The following PIWIL1 variants were observed in gnomAD, a reference collection of about 807,000 sequenced individuals.
PIWIL1 encodes the protein piwi-like protein 1.
Under a neutral mutation model 114.4 loss-of-function variants are expected in PIWIL1, and 73 were observed. That is an observed-to-expected ratio of 0.64 (90% CI 0.53 to 0.78). PIWIL1 has a LOEUF of 0.78. Among genes scored for constraint, PIWIL1 ranks in the 30% least tolerant of loss-of-function variants. PIWIL1 has a pLI of 0.00. For missense variants in PIWIL1, 723 were observed against 1,063.1 expected, an observed-to-expected ratio of 0.68 and a Z score of 4.45; for synonymous variants, 375 against 369.0, an observed-to-expected ratio of 1.02 and a Z score of -0.19.
At chr12:130,363,832 G>A (rs1448907706) in intron 18 of PIWIL1, among the ~76,000 whole-genome samples, 1 of 151,908 alleles carries the variant, frequency 6.6e-6, no homozygotes, top group African/African-American at 2.4e-5. Context: ...TTGCCAAGCT[G>A]GTCTCAAACT....
the PIWIL1 span, among the ~76,000 whole-genome samples, chr12:130,385,479 A>G: frequency 6.6e-6 from 1 of 152,226 alleles, no homozygotes; most frequent in Admixed American, 6.5e-5. Context: ...ACTGTGAAAC[A>G]AAACACCCAC....
intron 16 of PIWIL1, among the ~76,000 whole-genome samples, chr12:130,362,250 T>C (rs1363381352): frequency 6.6e-6 from 1 of 152,202 alleles, no homozygotes; most frequent in Non-Finnish European, 1.5e-5. Flanking sequence ...AAGTAGGCCC[T>C]GGTGTCTGTT....
rs749587488 is a variant in PIWIL1 at position 130,348,079 on chromosome 12, ACT to A, written c.654-19_654-18del. On this transcript the variant is annotated intron_variant, in intron 6 of 20. Transcript: ENST00000245255. ...GTATTAGAGATACTTATCAATATTC[ACT>A]CTCTGACCTTTCCATTTCTAGGCTT... 13 of 1,465,876 alleles carry A rather than the reference ACT, an allele frequency of 8.9e-6. No homozygotes were observed. The Admixed American group carries it at 1.9e-4, about 22-fold the overall frequency. The allele number at this position is 1,465,876 out of a possible 1,614,324, so 90.8% of individuals were successfully genotyped here. A position where few individuals can be genotyped will look rare whatever the true frequency, so the allele number is the denominator to read the frequency against.
At chr12:130,361,435 G>C in intron 15 of PIWIL1, 55 bp downstream of exon 15, 1 of 1,609,732 alleles carries the variant, frequency 6.2e-7, no homozygotes, top group Non-Finnish European at 8.5e-7. Flanking sequence ...TAAGAACATG[G>C]ATTTACTTTT....
At chr12:130,380,174 A>C in the PIWIL1 span, among the ~76,000 whole-genome samples, 1 of 124,976 alleles carries the variant, frequency 8.0e-6, no homozygotes, top group African/African-American at 3.8e-5. Flanking sequence ...AGTTCCTTCA[A>C]CTCCCTCATC....
At chr12:130,367,019 T>C (rs1342238950) in intron 18 of PIWIL1, 114 bp from the exon 19 acceptor site, 1 of 1,189,804 alleles carries the variant, frequency 8.4e-7, no homozygotes, top group African/African-American at 1.5e-5. Context: ...GGACAGATGA[T>C]ACGCCCCAGG....
intron 12 of PIWIL1, 129 bp from the exon 13 acceptor site, chr12:130,356,789 C>T (rs1266893213): frequency 3.5e-6 from 2 of 575,056 alleles, no homozygotes; most frequent in Non-Finnish European, 5.8e-6. Flanking sequence ...TTTCTCTGTC[C>T]CTTTAATTCA....
At chr12:130,409,875 G>A in the PIWIL1 span, among the ~76,000 whole-genome samples, 1 of 152,222 alleles carries the variant, frequency 6.6e-6, no homozygotes, top group Non-Finnish European at 1.5e-5. Flanking sequence ...TTTTTTGTGT[G>A]TGAACGTAAG....
At chr12:130,409,614 AT>A in the PIWIL1 span, among the ~76,000 whole-genome samples, 1 of 152,092 alleles carries the variant, frequency 6.6e-6, no homozygotes, top group Non-Finnish European at 1.5e-5. Context: ...AAGTGCTGGG[AT>A]TACAGGCGTG....
Position 130,363,008 on chromosome 12 carries a change from AATAG to A in PIWIL1, c.2060_2063del (p.Asn687ThrfsTer17). On this transcript the variant is annotated frameshift_variant, in exon 18 of 21. Transcript: ENST00000245255. LOFTEE classifies it high-confidence loss of function. ...TGTTTCAGCGGCTCTGAGGGCTTGG[AATAG>A]CTGCAATGAGTACATGCCCAGCCGG... 1 of 1,614,120 alleles carries A rather than the reference AATAG, an allele frequency of 6.2e-7. No individual in the cohort carries two copies. The highest frequency in any genetic ancestry group is 8.5e-7 in the Non-Finnish European group (1 of 1,179,988).
chr12:130,343,374 G>A (rs911433114), intron 3 of PIWIL1, among the ~76,000 whole-genome samples: 1 of 152,144 alleles, frequency 6.6e-6, no homozygotes, highest in East Asian at 1.9e-4. Flanking sequence ...TCTGTAACAA[G>A]GTAGTGTCTA....
At chr12:130,418,364 T>C in the PIWIL1 span, among the ~76,000 whole-genome samples, 1 of 152,192 alleles carries the variant, frequency 6.6e-6, no homozygotes, top group Non-Finnish European at 1.5e-5. Context: ...GTATCTGAGT[T>C]CAATAGAATG....
In PIWIL1 at chr12:130,361,606, G is replaced by T; in HGVS notation, c.1970+5G>T. The T allele has an allele frequency of 2.5e-6, 4 of 1,610,474 alleles. No individual in the cohort carries two copies. The highest frequency in any genetic ancestry group is 3.4e-6 in the Non-Finnish European group (4 of 1,176,662). On this transcript the variant is annotated splice_donor_5th_base_variant and intron_variant, in intron 16 of 20. Transcript: ENST00000245255. Reference sequence around the variant, plus strand: ...CATCAATGAAGGGATGACCCGGTGAGTGAGACTGGGCTACTGTGGGTGGCA... The same window carrying T: ...CATCAATGAAGGGATGACCCGGTGATTGAGACTGGGCTACTGTGGGTGGCA...
At chr12:130,365,390 TATCCAGTA>T (rs1261258860) in intron 18 of PIWIL1, among the ~76,000 whole-genome samples, 7 of 152,210 alleles carry the variant, frequency 4.6e-5, no homozygotes, top group African/African-American at 1.7e-4. Context: ...CTTCACACAG[TATCCAGTA>T]AGTATTCAAT....
chr12:130,417,976 C>G, the PIWIL1 span, among the ~76,000 whole-genome samples: 81,762 of 151,890 alleles, frequency 0.54, 23,240 homozygotes, highest in African/African-American at 0.73. Flanking sequence ...GAGAGAGCAG[C>G]ATTGGGAGAA....
chr12:130,424,746 C>G, the PIWIL1 span: 1 of 1,232,328 alleles, frequency 8.1e-7, no homozygotes, highest in South Asian at 4.1e-5. This position sits in a 1 kb window ranked among gnomAD's most constrained non-coding sequence, Gnocchi z 9.8. Flanking sequence ...ACAGCACTCT[C>G]CGTCCTCTTC....
At chr12:130,376,426 A>T (rs1201806159), downstream of PIWIL1, among the ~76,000 whole-genome samples, 10 of 152,240 alleles carry the variant, frequency 6.6e-5, no homozygotes, top group Admixed American at 6.5e-4. Flanking sequence ...TCTCAGTATC[A>T]TACAGATAAT....
the PIWIL1 span, among the ~76,000 whole-genome samples, chr12:130,409,718 TAGC>T: frequency 6.6e-6 from 1 of 152,168 alleles, no homozygotes; most frequent in Non-Finnish European, 1.5e-5. Flanking sequence ...CTGGCTGTAT[TAGC>T]AGTGGCTCTG....
chr12:130,400,131 T>C, the PIWIL1 span, among the ~76,000 whole-genome samples: 2 of 152,128 alleles, frequency 1.3e-5, no homozygotes, highest in Non-Finnish European at 2.9e-5. Flanking sequence ...TCTCATTTAG[T>C]GGTTCTCGGG....
Sources: allele counts gnomAD v4.1 joint callset (sites outside exome capture counted in the v4.1 genomes callset), GRCh38; gene constraint gnomAD v4.1.1; non-coding constraint Gnocchi (gnomAD v3.1); transcripts MANE v1.5; gene names NCBI Gene and HGNC (gene_info 2026-07-23, HGNC 2026-07-21).